The following RPTOR variants were observed in gnomAD, a reference collection of about 807,000 sequenced individuals.
RPTOR encodes regulatory-associated protein of mTOR.
In RPTOR, 21 loss-of-function variants were observed where a neutral mutation model predicts 169.9. The observed-to-expected ratio is 0.12, with a 90% CI of 0.09 to 0.18. The LOEUF (loss-of-function observed/expected upper bound fraction) is 0.18, where lower values mean the gene tolerates loss of function less well. Among genes scored for constraint, RPTOR ranks in the 10% least tolerant of loss-of-function variants. The probability of loss-of-function intolerance (pLI) is 1.00; values close to 1 mark genes in which losing one functional copy is unlikely to be tolerated. For synonymous variants in RPTOR, 732 were observed against 753.2 expected (o/e 0.97, Z 0.46); for missense variants, 1,133 against 1,855.9 (o/e 0.61, Z 7.16).
chr17:80,646,034 A>G lies in RPTOR; in HGVS notation c.348+2224A>G, dbSNP rs904468049. The stretch of plus-strand genomic sequence containing the variant: ...GTTAAGATTACAGGATGCTTCGGAA[A>G]AGGTACCAGCGCAGGCGGGATCCCA... On this transcript the variant is annotated intron_variant, in intron 3 of 33. Transcript: ENST00000306801. This position sits in a 1 kb window ranked among gnomAD's most constrained non-coding sequence, Gnocchi z 5.0. Among the ~76,000 whole-genome samples, 6 of 152,200 alleles carry G rather than the reference A, an allele frequency of 3.9e-5. No individual in the cohort carries two copies. Among genetic ancestry groups the G allele is most frequent in the African/African-American group, 1.4e-4 (6 of 41,442 alleles).
chr17:80,652,257 G>T (rs1046478790), intron 3 of RPTOR, among the ~76,000 whole-genome samples: 7 of 151,730 alleles, frequency 4.6e-5, no homozygotes, highest in African/African-American at 1.7e-4. Context: ...TAACTGTCTA[G>T]TTCCAGAACA....
At chr17:80,765,321 A>G (rs917449900) in intron 6 of RPTOR, among the ~76,000 whole-genome samples, 2 of 152,232 alleles carry the variant, frequency 1.3e-5, no homozygotes, top group African/African-American at 2.4e-5. Flanking sequence ...ACTTGCTGAC[A>G]GCAGGCTTTG....
At chr17:80,777,888 T>C (rs937964457) in intron 6 of RPTOR, among the ~76,000 whole-genome samples, 13 of 152,178 alleles carry the variant, frequency 8.5e-5, no homozygotes, top group Non-Finnish European at 1.6e-4. Flanking sequence ...GGAGTGACTT[T>C]GGAACTGTAT....
intron 17 of RPTOR, among the ~76,000 whole-genome samples, chr17:80,890,103 G>A (rs1331070837): frequency 2.0e-5 from 3 of 147,252 alleles, no homozygotes; most frequent in Non-Finnish European, 4.5e-5. Flanking sequence ...CCCGAGGGAG[G>A]CCCCGTGCGC....
intron 1 of RPTOR, among the ~76,000 whole-genome samples, chr17:80,584,103 C>T (rs948831031): frequency 2.6e-5 from 4 of 152,188 alleles, no homozygotes; most frequent in East Asian, 1.9e-4. Flanking sequence ...CCAGGCAGTG[C>T]GGGCTGAGCC....
intron 1 of RPTOR, among the ~76,000 whole-genome samples, chr17:80,592,325 G>A (rs1480366916): frequency 6.6e-6 from 1 of 152,158 alleles, no homozygotes; most frequent in East Asian, 1.9e-4. Flanking sequence ...TTCATGCAGG[G>A]GGTGTTGTGA....
intron 3 of RPTOR, among the ~76,000 whole-genome samples, chr17:80,682,506 C>T (rs2065906649): frequency 6.6e-6 from 1 of 152,158 alleles, no homozygotes; most frequent in Admixed American, 6.5e-5. Context: ...AGCTTTGAGT[C>T]AGACAGAAGA....
intron 2 of RPTOR, among the ~76,000 whole-genome samples, chr17:80,632,342 G>A (rs1220457729): frequency 1.3e-5 from 2 of 152,300 alleles, no homozygotes; most frequent in Non-Finnish European, 2.9e-5. Flanking sequence ...GACGGGACGC[G>A]CAGGCCCTTC....
chr17:80,718,918 G>A (rs562179841), intron 4 of RPTOR, among the ~76,000 whole-genome samples: 95 of 152,288 alleles, frequency 6.2e-4, no homozygotes, highest in Non-Finnish European at 1.1e-3. Context: ...GAAGGCCGTC[G>A]TATACAAGAG....
At chr17:80,894,684 C>T (rs999746844) in intron 20 of RPTOR, among the ~76,000 whole-genome samples, 1 of 152,186 alleles carries the variant, frequency 6.6e-6, no homozygotes, top group African/African-American at 2.4e-5. Flanking sequence ...GAGTGGCTTA[C>T]CGGCTTCATT....
intron 24 of RPTOR, among the ~76,000 whole-genome samples, chr17:80,930,319 AGCTCAGC>A (rs2068869353): frequency 5.3e-5 from 1 of 18,996 alleles, no homozygotes; most frequent in African/African-American, 1.9e-4. Flanking sequence ...TCCCCAGCTC[AGCTCAGC>A]TCATCCTCAG....
chr17:80,645,321 G>A (rs1293996140), intron 3 of RPTOR, among the ~76,000 whole-genome samples: 1 of 152,100 alleles, frequency 6.6e-6, no homozygotes, highest in African/African-American at 2.4e-5. Context: ...GCTACTTCTG[G>A]CCATCTCCTG....
intron 17 of RPTOR, among the ~76,000 whole-genome samples, chr17:80,888,038 C>G (rs558763951): frequency 6.6e-6 from 1 of 152,140 alleles, no homozygotes; most frequent in Non-Finnish European, 1.5e-5. Context: ...ACGGGCTCAG[C>G]GGGGCTTGGA....
intron 4 of RPTOR, among the ~76,000 whole-genome samples, chr17:80,719,135 A>G (rs978108562): frequency 1.3e-5 from 2 of 152,176 alleles, no homozygotes; most frequent in South Asian, 4.1e-4. Flanking sequence ...AGGGGCAGAC[A>G]TGCTGCGGGC....
At chr17:80,742,664 C>T (rs1261932726) in intron 5 of RPTOR, among the ~76,000 whole-genome samples, 1 of 135,680 alleles carries the variant, frequency 7.4e-6, no homozygotes, top group African/African-American at 2.8e-5. Context: ...AACACATGCA[C>T]ATACACATAC....
chr17:80,566,756 G>A (rs867750497), intron 1 of RPTOR, among the ~76,000 whole-genome samples: 1 of 149,080 alleles, frequency 6.7e-6, no homozygotes, highest in Admixed American at 6.7e-5. Context: ...CCCGGGAGGC[G>A]GAGCTTGCAG....
intron 7 of RPTOR, among the ~76,000 whole-genome samples, chr17:80,797,426 G>T (rs1389325147): frequency 6.6e-6 from 1 of 152,220 alleles, no homozygotes; most frequent in Non-Finnish European, 1.5e-5. Flanking sequence ...GGGATTATGG[G>T]CATGAGCCGC....
chr17:80,884,702 C>G lies in RPTOR; in HGVS notation c.1843-306C>G, dbSNP rs190396966. Among the ~76,000 whole-genome samples, 783 of 152,362 alleles carry G rather than the reference C, an allele frequency of 5.1e-3. 7 individuals are homozygous for G. Among genetic ancestry groups the G allele is most frequent in the Non-Finnish European group, 7.4e-3 (506 of 68,034 alleles). ...ACGCTCTGTGGCCCATCCCAGCCCCCTCGTCTAACTCCTGCCTCGTTCATC... is the reference window on the plus strand; with the variant it reads ...ACGCTCTGTGGCCCATCCCAGCCCCGTCGTCTAACTCCTGCCTCGTTCATC... On this transcript the variant is annotated intron_variant, in intron 16 of 33. Transcript: ENST00000306801.
In RPTOR at chr17:80,860,263, G is replaced by A. The variant is rs1598358823; in HGVS notation, c.1509+2363G>A. On this transcript the variant is annotated intron_variant, in intron 13 of 33. Transcript: ENST00000306801. This position sits in a 1 kb window ranked among gnomAD's most constrained non-coding sequence, Gnocchi z 5.8. Reference sequence around the variant, plus strand: ...CTGCTGTGCTCGCTGAAGCTGCCCTGTTGGGCTTTGTTCAGCCAAATTCAC... The same window carrying A: ...CTGCTGTGCTCGCTGAAGCTGCCCTATTGGGCTTTGTTCAGCCAAATTCAC... 6.6e-6 allele frequency among the ~76,000 whole-genome samples: 1 copy of A among 152,246 alleles called. No homozygotes were observed. Among genetic ancestry groups the A allele is most frequent in the East Asian group, 1.9e-4 (1 of 5,188 alleles).
Sources: allele counts gnomAD v4.1 joint callset (sites outside exome capture counted in the v4.1 genomes callset), GRCh38; gene constraint gnomAD v4.1.1; non-coding constraint Gnocchi (gnomAD v3.1); transcripts MANE v1.5; gene names NCBI Gene and HGNC (gene_info 2026-07-23, HGNC 2026-07-21).